Variants in CBLN2 observed in about 807,000 individuals in gnomAD.
The protein encoded by CBLN2 is cerebellin 2 precursor, also known as cerebellin-2.
A neutral mutation model predicts 15.0 loss-of-function variants in CBLN2; 7 were observed. That is an observed-to-expected ratio of 0.47 (90% CI 0.27 to 0.88). CBLN2 has a LOEUF of 0.88. Ranked by LOEUF, CBLN2 falls within the 40% of genes least tolerant of loss-of-function variation. The pLI is 0.14. For missense variants in CBLN2, 242 were observed against 304.5 expected, an observed-to-expected ratio of 0.79 and a Z score of 1.53; for synonymous variants, 149 against 135.2, an observed-to-expected ratio of 1.10 and a Z score of -0.71.
In CBLN2 at chr18:72,544,283, A is replaced by G. The variant is rs911167924; in HGVS notation, c.-518T>C. Reference sequence around the variant, plus strand: ...AGTTGGGGAACTGTCCGGTTCCCGCAGGGCTAGAAGAGGGGCCTCCGGCCC... The same window carrying G: ...AGTTGGGGAACTGTCCGGTTCCCGCGGGGCTAGAAGAGGGGCCTCCGGCCC... On this transcript the variant is annotated 5_prime_UTR_variant, in exon 1 of 5. Coordinates refer to ENST00000269503, the MANE Select transcript of CBLN2 (RefSeq NM_182511.4). The G allele has an allele frequency of 6.6e-6, 1 of 151,976 alleles. No homozygotes were observed. The highest frequency in any genetic ancestry group is 2.4e-5 in the African/African-American group (1 of 41,384). 9.4% of individuals were successfully genotyped at this position (151,976 alleles called of 1,614,324 possible). A position where few individuals can be genotyped will look rare whatever the true frequency, so the allele number is the denominator to read the frequency against.
chr18:72,587,320 T>G (rs1427303671), intron 1 of CBLN2, among the ~76,000 whole-genome samples: 1 of 152,142 alleles, frequency 6.6e-6, no homozygotes, highest in African/African-American at 2.4e-5. Flanking sequence ...ACTTGAAATA[T>G]AAGTTATTCC....
intron 1 of CBLN2, among the ~76,000 whole-genome samples, chr18:72,579,499 G>A (rs1331323149): frequency 1.3e-5 from 2 of 152,108 alleles, no homozygotes; most frequent in Non-Finnish European, 2.9e-5. Context: ...TTGGGAGGCC[G>A]AGGTGGGTGG....
At chr18:72,574,378 A>G (rs1205565663) in intron 1 of CBLN2, among the ~76,000 whole-genome samples, 2 of 152,182 alleles carry the variant, frequency 1.3e-5, no homozygotes, top group Non-Finnish European at 2.9e-5. Context: ...GTTTTCTTTC[A>G]GGAGTTTTAT....
At chr18:72,612,715 C>T (rs9955663) in intron 1 of CBLN2, among the ~76,000 whole-genome samples, 19,145 of 152,184 alleles carry the variant, frequency 0.13, 2,806 homozygotes, top group African/African-American at 0.35. Context: ...ACCCACTTAC[C>T]TTTATCCAGA....
chr18:72,632,665 T>G (rs2069784914), intron 1 of CBLN2, among the ~76,000 whole-genome samples: 1 of 152,176 alleles, frequency 6.6e-6, no homozygotes, highest in South Asian at 2.1e-4. Flanking sequence ...CCAAACTCCT[T>G]AACATGATAG....
upstream of CBLN2, among the ~76,000 whole-genome samples, chr18:72,548,077 A>C (rs2069169775): frequency 6.6e-6 from 1 of 152,196 alleles, no homozygotes; most frequent in African/African-American, 2.4e-5. Context: ...TTTTTGAAGA[A>C]GCTTAGAGAT....
rs978305991 is a variant in CBLN2, at chr18:72,544,046, G to T, written c.-281C>A. 6.6e-6 allele frequency: 1 copy of T among 152,018 alleles called. No individual in the cohort carries two copies. Among genetic ancestry groups the T allele is most frequent in the Admixed American group, 6.6e-5 (1 of 15,262 alleles). The allele number at this position is 152,018 out of a possible 1,614,324, so 9.4% of individuals were successfully genotyped here. On this transcript the variant is annotated 5_prime_UTR_variant, in exon 1 of 5. Coordinates refer to ENST00000269503, the MANE Select transcript of CBLN2 (RefSeq NM_182511.4). ...TTAGACACCCTTAAAAGCACCGGTCGCTTCTCTTCTTTTAGATTCTTTCTT... is the reference window on the plus strand; with the variant it reads ...TTAGACACCCTTAAAAGCACCGGTCTCTTCTCTTCTTTTAGATTCTTTCTT...
intron 1 of CBLN2, among the ~76,000 whole-genome samples, chr18:72,606,552 A>G (rs2069584859): frequency 6.6e-6 from 1 of 152,232 alleles, no homozygotes; most frequent in South Asian, 2.1e-4. Context: ...TTAGAATCAT[A>G]TCCTAGTGTA....
chr18:72,638,395 A>G (rs1258143503), exon 1 of CBLN2: 2 of 398,400 alleles, frequency 5.0e-6, no homozygotes, highest in African/African-American at 4.1e-5. Context: ...AATGTTGTCC[A>G]GTAAATTCAA....
In CBLN2 at chr18:72,625,806, CTCTCTCTCTCTCTATA is replaced by C. The variant is rs1300709214; in HGVS notation, c.15+12503_15+12518del. Among the ~76,000 whole-genome samples, 277 of 59,792 alleles carry C rather than the reference CTCTCTCTCTCTCTATA, an allele frequency of 4.6e-3. 1 individual carries two copies. The highest frequency in any genetic ancestry group is 5.8e-3 in the Non-Finnish European group (161 of 27,814). 39.2% of individuals were successfully genotyped at this position (59,792 alleles called of 152,430 possible). On this transcript the variant is annotated intron_variant, in intron 1 of 2. Transcript: ENST00000581073. ...TATATGACTCTCTCTCTCTCTCTCT[CTCTCTCTCTCTCTATA>C]TATATATATATATATATATATAGTA...
intron 1 of CBLN2, among the ~76,000 whole-genome samples, chr18:72,568,167 A>G (rs939796542): frequency 1.3e-5 from 2 of 152,160 alleles, no homozygotes; most frequent in Non-Finnish European, 2.9e-5. Context: ...GTTCTAAGCC[A>G]CTGGGACTCT....
At chr18:72,631,026 A>G (rs2069772747) in intron 1 of CBLN2, 1 of 152,140 alleles carries the variant, frequency 6.6e-6, no homozygotes, top group Non-Finnish European at 1.5e-5. Context: ...TAATAATAGG[A>G]TGCTTGCCTC....
chr18:72,621,694 G>A (rs143819556), intron 1 of CBLN2, among the ~76,000 whole-genome samples: 29 of 152,152 alleles, frequency 1.9e-4, no homozygotes, highest in East Asian at 3.9e-4. Flanking sequence ...TGAAGCTTTC[G>A]TGAAAGCTCT....
At chr18:72,549,813 G>A (rs2069180697) in intron 1 of CBLN2, among the ~76,000 whole-genome samples, 1 of 152,094 alleles carries the variant, frequency 6.6e-6, no homozygotes, top group African/African-American at 2.4e-5. Flanking sequence ...ATTCTATCAG[G>A]GGTTACTCTG....
At chr18:72,635,819 T>C (rs1479642273) in intron 1 of CBLN2, among the ~76,000 whole-genome samples, 1 of 152,092 alleles carries the variant, frequency 6.6e-6, no homozygotes, top group Non-Finnish European at 1.5e-5. Context: ...CTTAATTCCA[T>C]CATATTGGTA....
At chr18:72,546,085 C>T (rs2069155852), upstream of CBLN2, among the ~76,000 whole-genome samples, 2 of 152,084 alleles carry the variant, frequency 1.3e-5, no homozygotes, top group Admixed American at 6.5e-5. Flanking sequence ...TAAAAGATAG[C>T]AAATTGACAG....
At chr18:72,544,378 T>C (rs1238821158), upstream of CBLN2, 1 of 152,174 alleles carries the variant, frequency 6.6e-6, no homozygotes, top group Admixed American at 6.5e-5. Flanking sequence ...ATTTATTAAA[T>C]TGCGGTGTCC....
chr18:72,563,555 A>G (rs1226524379), intron 1 of CBLN2, among the ~76,000 whole-genome samples: 1 of 152,020 alleles, frequency 6.6e-6, no homozygotes, highest in Non-Finnish European at 1.5e-5. Context: ...AAGATTCAGG[A>G]TGGCCACATA....
At chr18:72,574,123 A>G (rs1339544609) in intron 1 of CBLN2, among the ~76,000 whole-genome samples, 1 of 151,918 alleles carries the variant, frequency 6.6e-6, no homozygotes, top group African/African-American at 2.4e-5. Flanking sequence ...CTCATTTTTT[A>G]CTTGAGTTGT....
Sources: allele counts gnomAD v4.1 joint callset (sites outside exome capture counted in the v4.1 genomes callset), GRCh38; gene constraint gnomAD v4.1.1; transcripts MANE v1.5; gene names NCBI Gene and HGNC (gene_info 2026-07-23, HGNC 2026-07-21).